The following SSPN variants were observed in gnomAD, a reference collection of about 807,000 sequenced individuals.
SSPN encodes sarcospan.
A neutral mutation model predicts 19.1 loss-of-function variants in SSPN; 15 were observed. The observed-to-expected ratio is 0.78, with a 90% CI of 0.52 to 1.21. The LOEUF is 1.21. Ranked by LOEUF, SSPN falls within the 50% of genes most tolerant of loss-of-function variation. The probability of loss-of-function intolerance (pLI) is 0.00; values close to 1 mark genes in which losing one functional copy is unlikely to be tolerated. For missense variants in SSPN, 291 were observed against 314.0 expected (o/e 0.93, Z 0.55); for synonymous variants, 147 against 140.3 (o/e 1.05, Z -0.34).
chr12:26,174,247 C>A (rs1425137580), intron 1 of SSPN, among the ~76,000 whole-genome samples: 1 of 152,218 alleles, frequency 6.6e-6, no homozygotes, highest in African/African-American at 2.4e-5. Flanking sequence ...AGCCTGATCT[C>A]TAAAGACTAT....
intron 1 of SSPN, among the ~76,000 whole-genome samples, chr12:26,201,011 GTA>G (rs869035319): frequency 7.9e-4 from 60 of 76,024 alleles, no homozygotes; most frequent in African/African-American, 2.5e-3. Flanking sequence ...GTTAATTTGT[GTA>G]TATATATATA....
Position 26,224,354 on chromosome 12 carries a change from G to A in SSPN, c.341G>A (p.Arg114Gln), listed in dbSNP as rs767642817. ...MLCVSYQVDE[R>Q]TCIQFSMKLL... Reference sequence around the variant, plus strand: ...TGTGTCTCATATCAGGTTGACGAACGGACATGTATTCAATTTTCTATGAAA... The same window carrying A: ...TGTGTCTCATATCAGGTTGACGAACAGACATGTATTCAATTTTCTATGAAA... The change falls in exon 2 of 3, where the codon CGG (arginine) becomes CAG (glutamine). Residue 114 changes from arginine (R) to glutamine (Q), a missense_variant. Arg to Gln is a conservative substitution (Grantham distance 43). This residue lies in a region of SSPN where 141 missense variants were observed against 166.7 expected (regional missense o/e 0.85). Coordinates refer to ENST00000242729, the MANE Select transcript of SSPN (RefSeq NM_005086.5). The A allele has an allele frequency of 1.6e-5, 26 of 1,613,520 alleles. No homozygotes were observed. The highest frequency in any genetic ancestry group is 2.2e-5 in the East Asian group (1 of 44,876).
rs116941297 is a variant in SSPN, at chr12:26,148,486, G to A, written c.-31+26334G>A. On this transcript the variant is annotated intron_variant, in intron 1 of 2. Transcript: ENST00000538142. ...AGGCTTGTGTGATGATAAAGAACGGGCCAACATGATGTGCTGCTTTACAGA... is the reference window on the plus strand; with the variant it reads ...AGGCTTGTGTGATGATAAAGAACGGACCAACATGATGTGCTGCTTTACAGA... Among the ~76,000 whole-genome samples, 78 of 152,284 alleles carry A rather than the reference G, an allele frequency of 5.1e-4. No individual in the cohort carries two copies. The East Asian group carries it at 0.013, about 26-fold the overall frequency.
intron 1 of SSPN, among the ~76,000 whole-genome samples, chr12:26,157,585 T>C (rs548059582): frequency 6.6e-6 from 1 of 152,294 alleles, no homozygotes; most frequent in South Asian, 2.1e-4. Context: ...AAAAAAAATC[T>C]GGGAGAATTC....
intron 1 of SSPN, among the ~76,000 whole-genome samples, chr12:26,188,339 T>A (rs1944766996): frequency 6.6e-6 from 1 of 152,182 alleles, no homozygotes; most frequent in Non-Finnish European, 1.5e-5. Context: ...AAGGTGGTGA[T>A]GACTAGATAT....
intron 1 of SSPN, chr12:26,124,510 T>TA (rs756384391): frequency 6.2e-7 from 1 of 1,613,620 alleles, no homozygotes; most frequent in Non-Finnish European, 8.5e-7. Context: ...ATCGGGAACT[T>TA]ACACTTACCT....
intron 1 of SSPN, among the ~76,000 whole-genome samples, chr12:26,128,616 C>T (rs1944380279): frequency 6.6e-6 from 1 of 152,158 alleles, no homozygotes; most frequent in Non-Finnish European, 1.5e-5. Context: ...GGAACAGAAA[C>T]TAGAATGCCA....
At chr12:26,131,799 G>A (rs1944398678) in intron 1 of SSPN, among the ~76,000 whole-genome samples, 1 of 152,162 alleles carries the variant, frequency 6.6e-6, no homozygotes, top group African/African-American at 2.4e-5. Flanking sequence ...TTAGAACTAG[G>A]CACCATCAAC....
chr12:26,167,099 A>G (rs1470106985), intron 1 of SSPN, among the ~76,000 whole-genome samples: 3 of 152,254 alleles, frequency 2.0e-5, no homozygotes, highest in Non-Finnish European at 4.4e-5. Flanking sequence ...AAATCAGAGC[A>G]CCAACCTGTG....
intron 1 of SSPN, among the ~76,000 whole-genome samples, chr12:26,164,929 C>T (rs1382578699): frequency 1.3e-5 from 2 of 152,172 alleles, no homozygotes; most frequent in African/African-American, 4.8e-5. Context: ...TTCTACTCTA[C>T]CCATTAATGA....
chr12:26,194,520 A>C (rs7310101), upstream of SSPN, among the ~76,000 whole-genome samples: 73,291 of 151,994 alleles, frequency 0.48, 18,100 homozygotes, highest in Admixed American at 0.63. Flanking sequence ...CGAGTAGCTG[A>C]GACTACAGGT....
intron 1 of SSPN, among the ~76,000 whole-genome samples, chr12:26,210,230 C>A (rs562388118): frequency 1.3e-5 from 2 of 152,124 alleles, no homozygotes; most frequent in South Asian, 2.1e-4. Flanking sequence ...CACTAAATCC[C>A]AGACTTTATA....
upstream of SSPN, among the ~76,000 whole-genome samples, chr12:26,191,032 C>T (rs765923402): frequency 7.9e-5 from 12 of 152,188 alleles, no homozygotes; most frequent in Non-Finnish European, 1.6e-4. Flanking sequence ...TGTCTGGTTT[C>T]TTTCACTCAG....
intron 1 of SSPN, among the ~76,000 whole-genome samples, chr12:26,163,518 C>A (rs570184024): frequency 6.6e-6 from 1 of 152,310 alleles, no homozygotes; most frequent in East Asian, 1.9e-4. Flanking sequence ...GTGCCAGCAT[C>A]TTCTGAGGGC....
chr12:26,157,871 G>T (rs981378346), intron 1 of SSPN, among the ~76,000 whole-genome samples: 1 of 152,088 alleles, frequency 6.6e-6, no homozygotes, highest in African/African-American at 2.4e-5. Context: ...GTTCCAGATG[G>T]GCAATGTGCT....
chr12:26,195,752 T>A lies in SSPN; in HGVS notation c.80T>A (p.Met27Lys). The A allele has an allele frequency of 6.8e-7, 1 of 1,477,828 alleles. No individual in the cohort carries two copies. The highest frequency in any genetic ancestry group is 1.3e-5 in the South Asian group (1 of 77,984). 91.5% of individuals were successfully genotyped at this position (1,477,828 alleles called of 1,614,324 possible). A position where few individuals can be genotyped will look rare whatever the true frequency, so the allele number is the denominator to read the frequency against. Residue 27 changes from methionine (M) to lysine (K), a missense_variant, in exon 1 of 3, where the codon ATG (methionine) becomes AAG (lysine). Around this residue, in one of 3 missense-constraint regions of SSPN, gnomAD observed 139 missense variants for 119.6 expected, o/e 1.16. Coordinates refer to ENST00000242729, the MANE Select transcript of SSPN (RefSeq NM_005086.5). Reference protein sequence around the residue: ...PAADAAGPDDMEPKKGTGAPK... With the variant: ...PAADAAGPDDKEPKKGTGAPK... ...GCGGACGCCGCTGGGCCCGACGACA[T>A]GGAGCCGAAGAAGGGCACGGGGGCC... is the stretch of plus-strand genomic sequence containing the variant.
At chr12:26,224,672 G>T (rs1422110419) in intron 2 of SSPN, among the ~76,000 whole-genome samples, 1 of 151,558 alleles carries the variant, frequency 6.6e-6, no homozygotes, top group Non-Finnish European at 1.5e-5. Flanking sequence ...CACTTGGCCA[G>T]AAAAAAGGTA....
chr12:26,197,251 G>A (rs1944838359), intron 1 of SSPN, among the ~76,000 whole-genome samples: 2 of 152,186 alleles, frequency 1.3e-5, no homozygotes, highest in African/African-American at 2.4e-5. Context: ...TATATGCATC[G>A]ATGGAGGTAT....
chr12:26,212,645 A>C (rs1565689252), intron 1 of SSPN, among the ~76,000 whole-genome samples: 1 of 151,988 alleles, frequency 6.6e-6, no homozygotes, highest in Non-Finnish European at 1.5e-5. Context: ...TTTTACTCTA[A>C]TGAAAAAAAA....
Sources: allele counts gnomAD v4.1 joint callset (sites outside exome capture counted in the v4.1 genomes callset), GRCh38; gene constraint gnomAD v4.1.1; regional missense constraint gnomAD v4.1.1; transcripts MANE v1.5; gene names NCBI Gene and HGNC (gene_info 2026-07-23, HGNC 2026-07-21).